Variants in SPNS1 observed in about 807,000 individuals in gnomAD.
SPNS1 encodes the protein protein spinster homolog 1.
A neutral mutation model predicts 50.3 loss-of-function variants in SPNS1; 22 were observed. The observed-to-expected ratio is 0.44, with a 90% CI of 0.31 to 0.62. The LOEUF (loss-of-function observed/expected upper bound fraction) is 0.62. Among genes scored for constraint, SPNS1 ranks in the 20% least tolerant of loss-of-function variants. The pLI, the probability that SPNS1 is intolerant of heterozygous loss-of-function variation, is 0.07. For missense variants in SPNS1, 576 were observed against 728.6 expected, an observed-to-expected ratio of 0.79 and a Z score of 2.41; for synonymous variants, 295 against 317.4, an observed-to-expected ratio of 0.93 and a Z score of 0.75.
chr16:28,984,567 T>C, downstream of SPNS1: 1 of 615,134 alleles, frequency 1.6e-6, no homozygotes, highest in Non-Finnish European at 2.9e-6. Flanking sequence ...CTCTCGTCTT[T>C]CTCTGGGTGG....
rs776668343 is a variant in SPNS1 at position 28,978,061 on chromosome 16, G to C, written c.444+17G>C. ...CCCGGAGAGGTGAGGCCCCAAGCTGGCTCCTGTTTCTGCCCACACCCCCTC... is the reference window on the plus strand; with the variant it reads ...CCCGGAGAGGTGAGGCCCCAAGCTGCCTCCTGTTTCTGCCCACACCCCCTC... On this transcript the variant is annotated intron_variant, in intron 3 of 11. Coordinates refer to ENST00000311008, the MANE Select transcript of SPNS1 (RefSeq NM_032038.3). 45 of 1,609,922 alleles carry C rather than the reference G, an allele frequency of 2.8e-5. No homozygotes were observed. The East Asian group carries it at 1.0e-3, about 36-fold the overall frequency.
chr16:28,974,845 C>T lies in SPNS1; in HGVS notation c.-307C>T. On this transcript the variant is annotated 5_prime_UTR_variant, in exon 1 of 12. Transcript: ENST00000311008. ...CGCCCGGGCTGAGCGACAGCAAGTG[C>T]AGCGGGCTCCTACCCCGGGTGAGGG... The T allele has an allele frequency of 3.9e-6, 6 of 1,535,650 alleles. No homozygotes were observed. The highest frequency in any genetic ancestry group is 5.2e-6 in the Non-Finnish European group (6 of 1,146,560).
chr16:28,981,882 C>T lies in SPNS1; in HGVS notation c.810-19C>T, dbSNP rs755349193. 2.5e-6 allele frequency: 4 copies of T among 1,613,698 alleles called. No individual in the cohort carries two copies. The East Asian group carries it at 6.7e-5, about 27-fold the overall frequency. ...ACACCTCCGTGGGGTCTTACTCTCT[C>T]CCTCCCAACTATCTGCAGTCCTAGT... On this transcript the variant is annotated intron_variant, in intron 6 of 11. Transcript: ENST00000311008. The surrounding 1 kb of genome is among the most constrained non-coding windows in gnomAD (Gnocchi z 4.2).
At chr16:28,979,929 A>G (rs578229524) in intron 5 of SPNS1, 130 of 175,136 alleles carry the variant, frequency 7.4e-4, no homozygotes, top group African/African-American at 2.9e-3. Flanking sequence ...GGGCTGAGGT[A>G]GGAGAATCAC....
At chr16:28,978,196 C>A in intron 3 of SPNS1, 152 bp downstream of exon 3, 1 of 1,002,498 alleles carries the variant, frequency 1.0e-6, no homozygotes, top group Non-Finnish European at 1.5e-6. Context: ...CTGAGTTAAC[C>A]TGCCCCACCC....
Position 28,983,152 on chromosome 16 carries a change from A to C in SPNS1, c.1222-40A>C. ...TGGCCCCCTGCCTCCTGCCCCCTGG[A>C]GCCCAGAGCATCCACTGAGCTCCAC... is the stretch of plus-strand genomic sequence containing the variant. On this transcript the variant is annotated intron_variant, in intron 9 of 11. Coordinates refer to ENST00000311008, the MANE Select transcript of SPNS1 (RefSeq NM_032038.3). The surrounding 1 kb of genome is among the most constrained non-coding windows in gnomAD (Gnocchi z 5.4). 6.6e-7 allele frequency: 1 copy of C among 1,511,524 alleles called. No homozygotes were observed. Among genetic ancestry groups the C allele is most frequent in the Non-Finnish European group, 9.2e-7 (1 of 1,089,806 alleles). The allele number at this position is 1,511,524 out of a possible 1,614,324, so 93.6% of individuals were successfully genotyped here.
Position 28,982,419 on chromosome 16 carries a change from C to T in SPNS1, c.1029C>T (p.Ile343=). 6.2e-7 allele frequency: 1 copy of T among 1,612,726 alleles called. No homozygotes were observed. Among genetic ancestry groups the T allele is most frequent in the Non-Finnish European group, 8.5e-7 (1 of 1,179,220 alleles). ...GVLGVGLGVE[I]SRRLRHSNPR... ...TGGGTGTGGGCCTGGGTGTGGAGATCAGCCGCCGGCTCCGCCACTCCAACC... is the reference window on the plus strand; with the variant it reads ...TGGGTGTGGGCCTGGGTGTGGAGATTAGCCGCCGGCTCCGCCACTCCAACC... The change falls in exon 8 of 12, where the codon ATC becomes ATT. Residue 343 remains isoleucine (I), a synonymous_variant. Transcript: ENST00000311008.
chr16:28,981,319 C>T lies in SPNS1; in HGVS notation c.664-151C>T. The T allele has an allele frequency of 2.0e-6, 2 of 980,472 alleles. No individual in the cohort carries two copies. The highest frequency in any genetic ancestry group is 1.7e-5 in the South Asian group (1 of 58,700). The allele number at this position is 980,472 out of a possible 1,614,324, so 60.7% of individuals were successfully genotyped here. A position where few individuals can be genotyped will look rare whatever the true frequency, so the allele number is the denominator to read the frequency against. On this transcript the variant is annotated intron_variant, in intron 5 of 11. Coordinates refer to ENST00000311008, the MANE Select transcript of SPNS1 (RefSeq NM_032038.3). This position sits in a 1 kb window ranked among gnomAD's most constrained non-coding sequence, Gnocchi z 4.2. ...GGTGGCCCCTAGTGGCAGCCCCCTT[C>T]CCCCAGATTGCAGGTTCGGCTTCTT...
Position 28,974,882 on chromosome 16 carries a change from G to C in SPNS1, c.-270G>C. 1.3e-6 allele frequency: 2 copies of C among 1,534,336 alleles called. No individual in the cohort carries two copies. The highest frequency in any genetic ancestry group is 1.7e-6 in the Non-Finnish European group (2 of 1,145,920). ...ACCCCGGGTGAGGGGTGGCCTCCGC[G>C]TGGGATCGTGCCCTCTTCAGCCCGC... On this transcript the variant is annotated 5_prime_UTR_variant, in exon 1 of 12. Coordinates refer to ENST00000311008, the MANE Select transcript of SPNS1 (RefSeq NM_032038.3).
At position 28,979,267 on chromosome 16, in the gene SPNS1, G is replaced by T. The variant is rs137908704; in HGVS notation, c.557G>T (p.Arg186Leu). 1 of 1,614,182 alleles carries T rather than the reference G, an allele frequency of 6.2e-7. No individual in the cohort carries two copies. The highest frequency in any genetic ancestry group is 8.5e-7 in the Non-Finnish European group (1 of 1,180,030). ...ADLFVADQRS[R>L]MLSIFYFAIP... ...CTCTTTGTGGCCGACCAGCGGAGCCGGATGCTCAGCATCTTCTACTTTGCC... is the reference window on the plus strand; with the variant it reads ...CTCTTTGTGGCCGACCAGCGGAGCCTGATGCTCAGCATCTTCTACTTTGCC... Residue 186 changes from arginine to leucine, a missense_variant, in exon 4 of 12, where the codon CGG (arginine) becomes CTG (leucine). Physicochemically the swap from Arg to Leu is moderately radical, Grantham distance 102. This residue lies in a region of SPNS1 where 428 missense variants were observed against 520.1 expected (regional missense o/e 0.82). Transcript: ENST00000311008.
chr16:28,984,511 G>C lies in SPNS1; in HGVS notation c.*212G>C. On this transcript the variant is annotated 3_prime_UTR_variant, in exon 12 of 12. Coordinates refer to ENST00000311008, the MANE Select transcript of SPNS1 (RefSeq NM_032038.3). Reference sequence around the variant, plus strand: ...ACAGGGGCAGCCCCAAGGGCTCGGTGCTATTTGTAACGGAATAAAATTTGT... The same window carrying C: ...ACAGGGGCAGCCCCAAGGGCTCGGTCCTATTTGTAACGGAATAAAATTTGT... The C allele has an allele frequency of 1.5e-6, 1 of 663,988 alleles. No homozygotes were observed. The highest frequency in any genetic ancestry group is 2.7e-6 in the Non-Finnish European group (1 of 369,608). The allele number at this position is 663,988 out of a possible 1,614,324, so 41.1% of individuals were successfully genotyped here.
intron 2 of SPNS1, among the ~76,000 whole-genome samples, chr16:28,977,176 G>A (rs1965371490): frequency 6.6e-6 from 1 of 152,022 alleles, no homozygotes; most frequent in African/African-American, 2.4e-5. Context: ...AAATTAGCTG[G>A]GCGTGGTGGC....
Position 28,981,843 on chromosome 16 carries a change from C to T in SPNS1, c.810-58C>T, listed in dbSNP as rs1046258027. ...TAAGCCAGGAAGGGAGAAGAGAGGT[C>T]CCCTCCTGCCTCGACACCTCCGTGG... On this transcript the variant is annotated intron_variant, in intron 6 of 11. Transcript: ENST00000311008. This position sits in a 1 kb window ranked among gnomAD's most constrained non-coding sequence, Gnocchi z 4.2. 6.3e-7 allele frequency: 1 copy of T among 1,598,476 alleles called. No homozygotes were observed. Among genetic ancestry groups the T allele is most frequent in the African/African-American group, 1.3e-5 (1 of 74,634 alleles).
rs866978482 is a variant in SPNS1 at position 28,979,058 on chromosome 16, C to T, written c.445-97C>T. The T allele has an allele frequency of 2.7e-6, 4 of 1,466,872 alleles. 1 individual carries two copies. In the Middle Eastern group the frequency reaches 9.8e-4, roughly 358 times the overall value. 90.9% of individuals were successfully genotyped at this position (1,466,872 alleles called of 1,614,324 possible). A position where few individuals can be genotyped will look rare whatever the true frequency, so the allele number is the denominator to read the frequency against. ...GTGTGATTCTAAAACCCAGGCATCT[C>T]CCGCCATCCCTGCTGCCTCTTGGGA... is the stretch of plus-strand genomic sequence containing the variant. On this transcript the variant is annotated intron_variant, in intron 3 of 11. Coordinates refer to ENST00000311008, the MANE Select transcript of SPNS1 (RefSeq NM_032038.3).
chr16:28,979,852 G>C (rs1043257683), intron 5 of SPNS1: 8 of 225,778 alleles, frequency 3.5e-5, no homozygotes, highest in Admixed American at 2.5e-4. Flanking sequence ...GTGAAACCCT[G>C]TCTCTACTAA....
intron 4 of SPNS1, 33 bp downstream of exon 4, chr16:28,979,339 A>C (rs1965461033): frequency 6.2e-7 from 1 of 1,613,874 alleles, no homozygotes. Flanking sequence ...GGAAGGCAGA[A>C]GGGCCTGGTG....
chr16:28,984,715 A>G (rs566486534), downstream of SPNS1: 1 of 736,580 alleles, frequency 1.4e-6, no homozygotes, highest in Non-Finnish European at 2.3e-6. Flanking sequence ...GAGCTGGCTG[A>G]GTGTGACCGT....
intron 5 of SPNS1, chr16:28,979,700 G>C: frequency 1.9e-6 from 1 of 538,022 alleles, no homozygotes; most frequent in Admixed American, 3.2e-5. Flanking sequence ...ATAGGTGCCC[G>C]CCACCATGCC....
intron 7 of SPNS1, 68 bp downstream of exon 7, chr16:28,982,124 C>G (rs1965575092): frequency 6.4e-7 from 1 of 1,555,420 alleles, no homozygotes; most frequent in Non-Finnish European, 8.7e-7. Flanking sequence ...ATCTGTGGCT[C>G]AGACCCAGGC....
Sources: allele counts gnomAD v4.1 joint callset (sites outside exome capture counted in the v4.1 genomes callset), GRCh38; gene constraint gnomAD v4.1.1; regional missense constraint gnomAD v4.1.1; non-coding constraint Gnocchi (gnomAD v3.1); transcripts MANE v1.5; gene names NCBI Gene and HGNC (gene_info 2026-07-23, HGNC 2026-07-21).